Variants in VKORC1L1 observed in about 807,000 individuals in gnomAD.
The protein encoded by VKORC1L1 is vitamin K epoxide reductase complex subunit 1-like protein 1.
VKORC1L1 carries 2 observed loss-of-function variants against 18.9 expected under a neutral mutation model. The observed-to-expected ratio is 0.11, with a 90% CI of 0.04 to 0.33. VKORC1L1 has a LOEUF of 0.33. Ranked by LOEUF, VKORC1L1 falls within the 10% of genes least tolerant of loss-of-function variation. The pLI, the probability that VKORC1L1 is intolerant of heterozygous loss-of-function variation, is 1.00. For synonymous variants in VKORC1L1, 96 were observed against 100.0 expected (o/e 0.96, Z 0.24); for missense variants, 123 against 224.1 (o/e 0.55, Z 2.88).
intron 1 of VKORC1L1, among the ~76,000 whole-genome samples, chr7:65,898,376 G>A (rs1385694098): frequency 6.6e-6 from 1 of 151,984 alleles, no homozygotes; most frequent in Non-Finnish European, 1.5e-5. Flanking sequence ...GAGCCACTAC[G>A]CCCGGCCAGG....
At chr7:65,922,217 T>C (rs1789687827) in intron 1 of VKORC1L1, among the ~76,000 whole-genome samples, 1 of 152,142 alleles carries the variant, frequency 6.6e-6, no homozygotes, top group Admixed American at 6.6e-5. Flanking sequence ...CTCGTATTTC[T>C]CCTTTCAATC....
intron 1 of VKORC1L1, among the ~76,000 whole-genome samples, chr7:65,881,653 C>G (rs1334889235): frequency 1.3e-5 from 2 of 152,184 alleles, no homozygotes; most frequent in African/African-American, 4.8e-5. Context: ...CTAGCGTACT[C>G]AAGTCCCATT....
chr7:65,947,135 CA>C (rs901885604), intron 1 of VKORC1L1, among the ~76,000 whole-genome samples: 1 of 151,716 alleles, frequency 6.6e-6, no homozygotes, highest in Non-Finnish European at 1.5e-5. Context: ...CATCCTGTCT[CA>C]AAAAAACAAA....
intron 1 of VKORC1L1, among the ~76,000 whole-genome samples, chr7:65,893,227 A>G (rs1789137616): frequency 6.6e-6 from 1 of 152,046 alleles, no homozygotes; most frequent in Admixed American, 6.5e-5. Flanking sequence ...TTATTTTTAA[A>G]TGAATGAATT....
chr7:65,954,474 G>T lies in VKORC1L1; in HGVS notation c.*174G>T. 8.8e-7 allele frequency: 1 copy of T among 1,130,902 alleles called. No individual in the cohort carries two copies. The highest frequency in any genetic ancestry group is 1.2e-6 in the Non-Finnish European group (1 of 846,080). The allele number at this position is 1,130,902 out of a possible 1,614,324, so 70.1% of individuals were successfully genotyped here. On this transcript the variant is annotated 3_prime_UTR_variant, in exon 3 of 3. Transcript: ENST00000360768. ...AGAAGGGGCCCTCGCTATTTTCTGT[G>T]TCAGTCTTCATTTTAAATATGGATA... is the stretch of plus-strand genomic sequence containing the variant.
At chr7:65,933,759 CT>C (rs1156406783) in intron 1 of VKORC1L1, among the ~76,000 whole-genome samples, 4 of 151,916 alleles carry the variant, frequency 2.6e-5, no homozygotes, top group South Asian at 2.1e-4. Flanking sequence ...TATTTCATGC[CT>C]TTTAGATATT....
intron 1 of VKORC1L1, among the ~76,000 whole-genome samples, chr7:65,878,428 T>C (rs567796182): frequency 4.2e-4 from 63 of 149,994 alleles, no homozygotes; most frequent in African/African-American, 1.4e-3. Flanking sequence ...GCCTGGGCAA[T>C]AAGAGGGAAA....
At chr7:65,877,463 T>G (rs968353535) in intron 1 of VKORC1L1, among the ~76,000 whole-genome samples, 5 of 152,032 alleles carry the variant, frequency 3.3e-5, no homozygotes, top group Admixed American at 1.3e-4. Context: ...TTCTCCTACC[T>G]CAGCCTCCCA....
chr7:65,941,076 T>C (rs761991500), intron 1 of VKORC1L1, among the ~76,000 whole-genome samples: 1 of 152,168 alleles, frequency 6.6e-6, no homozygotes, highest in African/African-American at 2.4e-5. Context: ...TTTAATTGCA[T>C]TGGGGCACAG....
chr7:65,916,988 C>T (rs2115601478), intron 1 of VKORC1L1, among the ~76,000 whole-genome samples: 1 of 151,802 alleles, frequency 6.6e-6, no homozygotes, highest in Admixed American at 6.6e-5. Flanking sequence ...ATTTTATCTC[C>T]TATATCTTAT....
At chr7:65,896,102 C>T (rs1789207984) in intron 1 of VKORC1L1, among the ~76,000 whole-genome samples, 1 of 149,856 alleles carries the variant, frequency 6.7e-6, no homozygotes, top group African/African-American at 2.5e-5. Context: ...GGGGGTTTCA[C>T]CATGTTGGCC....
intron 1 of VKORC1L1, among the ~76,000 whole-genome samples, chr7:65,924,221 A>C (rs1583851718): frequency 6.6e-6 from 1 of 152,276 alleles, no homozygotes; most frequent in Non-Finnish European, 1.5e-5. Context: ...AAGGTTTTTC[A>C]AGGTTTTGAG....
chr7:65,882,906 A>T (rs1401215514), intron 1 of VKORC1L1, among the ~76,000 whole-genome samples: 2 of 152,216 alleles, frequency 1.3e-5, no homozygotes, highest in African/African-American at 4.8e-5. Context: ...GGACAGGTGT[A>T]ATTAAATCCT....
chr7:65,939,569 C>T (rs1790001231), intron 1 of VKORC1L1, among the ~76,000 whole-genome samples: 4 of 152,198 alleles, frequency 2.6e-5, no homozygotes, highest in African/African-American at 7.2e-5. Context: ...GCTCTGGCCC[C>T]TATGGTGGTG....
chr7:65,903,993 C>T (rs987686267), intron 1 of VKORC1L1, among the ~76,000 whole-genome samples: 5 of 152,042 alleles, frequency 3.3e-5, no homozygotes, highest in East Asian at 1.9e-4. Context: ...TGATTGCTAA[C>T]AGGTACAGGA....
chr7:65,901,349 C>G (rs1789312167), intron 1 of VKORC1L1, among the ~76,000 whole-genome samples: 1 of 152,112 alleles, frequency 6.6e-6, no homozygotes, highest in Non-Finnish European at 1.5e-5. Context: ...GAGTGAGACC[C>G]TATCTCAAAA....
intron 1 of VKORC1L1, among the ~76,000 whole-genome samples, chr7:65,910,370 G>A (rs1455832577): frequency 1.3e-5 from 2 of 151,726 alleles, no homozygotes; most frequent in East Asian, 1.9e-4. Flanking sequence ...TTTTTGTACC[G>A]AGATCACACA....
At chr7:65,877,652 T>A (rs1223462541) in intron 1 of VKORC1L1, among the ~76,000 whole-genome samples, 1 of 152,158 alleles carries the variant, frequency 6.6e-6, no homozygotes, top group Non-Finnish European at 1.5e-5. Context: ...CCAGCTGTAA[T>A]ATGCAGAATA....
chr7:65,878,573 G>A (rs1788869579), intron 1 of VKORC1L1, among the ~76,000 whole-genome samples: 1 of 152,060 alleles, frequency 6.6e-6, no homozygotes, highest in East Asian at 1.9e-4. Context: ...GGCTTCCAGA[G>A]TACTTATTTA....
Sources: gnomAD v4.1 joint callset for allele counts (sites outside exome capture counted in the v4.1 genomes callset) on GRCh38, gnomAD v4.1.1 for gene constraint, MANE v1.5 for transcripts, NCBI Gene and HGNC (gene_info 2026-07-23, HGNC 2026-07-21) for gene names.